PRTG: variants seen among roughly 807,000 people sequenced by gnomAD.
PRTG encodes the protein immunoglobulin superfamily, DCC subclass, member 5.
In PRTG, 67 loss-of-function variants were observed where a neutral mutation model predicts 122.5. That is an observed-to-expected ratio of 0.55 (90% confidence interval 0.45 to 0.67). PRTG has a LOEUF of 0.67. PRTG is among the 30% of genes least tolerant of loss of function. The probability of loss-of-function intolerance (pLI) is 0.00; values close to 1 mark genes in which losing one functional copy is unlikely to be tolerated. For synonymous variants in PRTG, 554 were observed against 501.1 expected (o/e 1.11, Z -1.41); for missense variants, 1,435 against 1,415.4 (o/e 1.01, Z -0.22).
In PRTG at chr15:55,672,536, G is replaced by T. The variant is rs374385018; in HGVS notation, c.1950C>A (p.Gly650=). ...QDVEDTAAIQ[G]YKLYYKEEGQ... ...CTTCTTCCTTGTAGTACAGCTTGTA[G>T]CCCTGAATAGCAGCTGTGTCCTCTA... is the stretch of plus-strand genomic sequence containing the variant. The change falls in exon 11 of 20, where the codon GGC becomes GGA. Residue 650 remains glycine (G), a synonymous_variant. Coordinates refer to ENST00000389286, the MANE Select transcript of PRTG (RefSeq NM_173814.6). The T allele has an allele frequency of 4.6e-5, 74 of 1,613,862 alleles. No homozygotes were observed. The African/African-American group carries it at 5.2e-4, about 11-fold the overall frequency.
intron 17 of PRTG, among the ~76,000 whole-genome samples, chr15:55,624,829 G>A (rs1183820694): frequency 6.6e-6 from 1 of 152,060 alleles, no homozygotes; most frequent in Non-Finnish European, 1.5e-5. Context: ...TATTACACTA[G>A]CATAACAATT....
At chr15:55,692,407 A>C (rs687128) in intron 2 of PRTG, among the ~76,000 whole-genome samples, 78,306 of 152,034 alleles carry the variant, frequency 0.52, 20,871 homozygotes, top group Non-Finnish European at 0.61. Context: ...TTTGGCTCAG[A>C]GGTATTCAGG....
At chr15:55,645,684 AC>A (rs1210166398) in intron 11 of PRTG, among the ~76,000 whole-genome samples, 1 of 151,978 alleles carries the variant, frequency 6.6e-6, no homozygotes, top group Non-Finnish European at 1.5e-5. Context: ...TTCTGCAAAG[AC>A]CCTCCAACGC....
chr15:55,644,146 ACTT>A (rs947029991), intron 11 of PRTG, among the ~76,000 whole-genome samples: 15 of 152,182 alleles, frequency 9.9e-5, no homozygotes, highest in African/African-American at 3.6e-4. Flanking sequence ...GCTGAAAAAT[ACTT>A]CTTCATTCTG....
Position 55,615,224 on chromosome 15 carries a change from C to A in PRTG, c.*4788G>T, listed in dbSNP as rs1006791790. On this transcript the variant is annotated 3_prime_UTR_variant, in exon 20 of 20. Coordinates refer to ENST00000389286, the MANE Select transcript of PRTG (RefSeq NM_173814.6). ...CCTCAAAAAGAAACAGCCCTGCAAG[C>A]GCCTTGATTTTGTCCCAGGGAGACC... 2 of 152,028 alleles carry A rather than the reference C, an allele frequency of 1.3e-5. No individual in the cohort carries two copies. Among genetic ancestry groups the A allele is most frequent in the African/African-American group, 4.8e-5 (2 of 41,414 alleles). The allele number at this position is 152,028 out of a possible 1,614,324, so 9.4% of individuals were successfully genotyped here.
rs2059142739 is a variant in PRTG at position 55,616,583 on chromosome 15, C to T, written c.*3429G>A. On this transcript the variant is annotated 3_prime_UTR_variant, in exon 20 of 20. Coordinates refer to ENST00000389286, the MANE Select transcript of PRTG (RefSeq NM_173814.6). ...CTGAATCACAGATTAAATGGAAAGT[C>T]CTCATGCATGTTATTTGTATACAGA... is the stretch of plus-strand genomic sequence containing the variant. The T allele has an allele frequency of 6.6e-6, 1 of 152,096 alleles. No homozygotes were observed. The highest frequency in any genetic ancestry group is 2.4e-5 in the African/African-American group (1 of 41,440). The allele number at this position is 152,096 out of a possible 1,614,324, so 9.4% of individuals were successfully genotyped here. A position where few individuals can be genotyped will look rare whatever the true frequency, so the allele number is the denominator to read the frequency against.
At chr15:55,622,083 C>T (rs2059169173) in intron 18 of PRTG, among the ~76,000 whole-genome samples, 1 of 152,110 alleles carries the variant, frequency 6.6e-6, no homozygotes, top group Non-Finnish European at 1.5e-5. Flanking sequence ...CTTCAGGCCT[C>T]TACCTCTCTG....
At chr15:55,638,524 A>T in intron 14 of PRTG, 25 bp downstream of exon 14, 1 of 1,565,304 alleles carries the variant, frequency 6.4e-7, no homozygotes, top group Non-Finnish European at 8.7e-7. Context: ...TAAAGATAAA[A>T]TCTATAGGGA....
intron 8 of PRTG, among the ~76,000 whole-genome samples, chr15:55,677,358 A>G (rs1342484420): frequency 3.0e-4 from 45 of 152,276 alleles, no homozygotes; most frequent in Admixed American, 2.6e-3. Flanking sequence ...AAATATGGGG[A>G]ATTTGACAAT....
At chr15:55,738,507 A>G in intron 2 of PRTG, 2 of 697,216 alleles carry the variant, frequency 2.9e-6, no homozygotes, top group South Asian at 3.0e-5. Flanking sequence ...TCCCTGAAAG[A>G]TAAGATAAGT....
Position 55,615,546 on chromosome 15 carries a change from G to C in PRTG, c.*4466C>G, listed in dbSNP as rs1183891103. 1.3e-5 allele frequency: 2 copies of C among 152,028 alleles called. No homozygotes were observed. Among genetic ancestry groups the C allele is most frequent in the African/African-American group, 4.8e-5 (2 of 41,412 alleles). 9.4% of individuals were successfully genotyped at this position (152,028 alleles called of 1,614,324 possible). A position where few individuals can be genotyped will look rare whatever the true frequency, so the allele number is the denominator to read the frequency against. On this transcript the variant is annotated 3_prime_UTR_variant, in exon 20 of 20. Transcript: ENST00000389286. Reference sequence around the variant, plus strand: ...AACATCAATAAAAAAATCACAATTAGACAACTGGTTGTATATGGTAGTCTC... The same window carrying C: ...AACATCAATAAAAAAATCACAATTACACAACTGGTTGTATATGGTAGTCTC...
intron 2 of PRTG, among the ~76,000 whole-genome samples, chr15:55,729,618 A>AAT (rs1203110908): frequency 6.6e-5 from 10 of 151,868 alleles, no homozygotes; most frequent in Non-Finnish European, 1.2e-4. Context: ...AAATAAAATA[A>AAT]ATATATATAT....
At chr15:55,626,474 T>C (rs1595601495) in intron 17 of PRTG, among the ~76,000 whole-genome samples, 1 of 150,434 alleles carries the variant, frequency 6.6e-6, no homozygotes, top group Non-Finnish European at 1.5e-5. Flanking sequence ...CTGGGAGCAG[T>C]GGCTGATACC....
At chr15:55,695,173 T>C (rs2059625468) in intron 2 of PRTG, among the ~76,000 whole-genome samples, 1 of 152,210 alleles carries the variant, frequency 6.6e-6, no homozygotes, top group African/African-American at 2.4e-5. Flanking sequence ...TTCCAAACTT[T>C]TATTTGACTA....
At chr15:55,699,874 T>C (rs1267842374) in intron 2 of PRTG, among the ~76,000 whole-genome samples, 4 of 152,226 alleles carry the variant, frequency 2.6e-5, no homozygotes, top group East Asian at 3.9e-4. Flanking sequence ...CAAGAAGTGG[T>C]AGAAAATTAA....
At chr15:55,720,972 C>T (rs2030799381) in intron 2 of PRTG, among the ~76,000 whole-genome samples, 2 of 152,058 alleles carry the variant, frequency 1.3e-5, no homozygotes, top group Admixed American at 6.5e-5. Context: ...CCTAGACATC[C>T]CACAGTCACC....
intron 11 of PRTG, among the ~76,000 whole-genome samples, chr15:55,649,948 T>G (rs921571395): frequency 6.6e-6 from 1 of 152,154 alleles, no homozygotes; most frequent in Non-Finnish European, 1.5e-5. Flanking sequence ...CTACTTGGGT[T>G]TTGGGTTTGA....
chr15:55,660,915 T>C (rs747503199), intron 11 of PRTG, among the ~76,000 whole-genome samples: 1 of 152,186 alleles, frequency 6.6e-6, no homozygotes, highest in Non-Finnish European at 1.5e-5. Flanking sequence ...TTACGAAAAT[T>C]TCTTCAAAGG....
chr15:55,675,098 C>T (rs1344201862), intron 9 of PRTG, among the ~76,000 whole-genome samples: 2 of 152,036 alleles, frequency 1.3e-5, no homozygotes, highest in African/African-American at 2.4e-5. Context: ...TCAACAGGTA[C>T]TAAGTGCTAA....
Sources: allele counts gnomAD v4.1 joint callset (sites outside exome capture counted in the v4.1 genomes callset), GRCh38; gene constraint gnomAD v4.1.1; transcripts MANE v1.5; gene names NCBI Gene and HGNC (gene_info 2026-07-23, HGNC 2026-07-21).